Variants in ARHGAP6 observed in about 807,000 individuals in gnomAD.
The protein encoded by ARHGAP6 is rho GTPase-activating protein 6.
ARHGAP6 carries 16 observed loss-of-function variants against 55.7 expected under a neutral mutation model. The ratio of observed to expected loss-of-function variants is 0.29; its 90% CI spans 0.19 to 0.44. The LOEUF (loss-of-function observed/expected upper bound fraction) is 0.44. Ranked by LOEUF, ARHGAP6 falls within the 20% of genes least tolerant of loss-of-function variation. ARHGAP6 has a pLI of 1.00. For synonymous variants in ARHGAP6, 382 were observed against 360.9 expected, an observed-to-expected ratio of 1.06 and a Z score of -0.66; for missense variants, 698 against 808.9, an observed-to-expected ratio of 0.86 and a Z score of 1.66.
At chrX:11,567,566 A>AT (rs1556078451) in intron 1 of ARHGAP6, among the ~76,000 whole-genome samples, 1,386 of 84,404 alleles carry the variant, frequency 0.016, 35 homozygotes, top group East Asian at 0.028. Context: ...AAAAAAAAAA[A>AT]ATATATATAT....
chrX:11,174,515 TTCTTTCCTTCCTTCC>T (rs2046141636), intron 8 of ARHGAP6, among the ~76,000 whole-genome samples: 1 of 90,572 alleles, frequency 1.1e-5, no homozygotes, highest in African/African-American at 4.7e-5. Flanking sequence ...CATTCTTTCT[TTCTTTCCTTCCTTCC>T]TTCCTTCCTT....
chrX:11,522,206 T>C (rs1177336070), intron 1 of ARHGAP6, among the ~76,000 whole-genome samples: 2 of 111,167 alleles, frequency 1.8e-5, no homozygotes, highest in East Asian at 5.6e-4. Context: ...AGACACAACA[T>C]AGCGGAATCT....
At chrX:11,319,929 T>G (rs1333769506) in intron 1 of ARHGAP6, among the ~76,000 whole-genome samples, 1 of 112,413 alleles carries the variant, frequency 8.9e-6, no homozygotes, top group East Asian at 2.8e-4. Context: ...GAGCAATTTC[T>G]AATTCTCTAA....
intron 1 of ARHGAP6, among the ~76,000 whole-genome samples, chrX:11,599,394 A>T (rs1427109056): frequency 8.9e-6 from 1 of 111,854 alleles, no homozygotes. Context: ...TATACATAAT[A>T]TAATGATCGA....
intron 1 of ARHGAP6, among the ~76,000 whole-genome samples, chrX:11,354,032 T>C (rs2048894949): frequency 1.8e-5 from 2 of 110,631 alleles, no homozygotes; most frequent in Admixed American, 1.9e-4. Context: ...TAAATGGTTA[T>C]GTAGAAGAAT....
chrX:11,240,498 T>C lies in ARHGAP6; in HGVS notation c.748+14050A>G, dbSNP rs370150837. On this transcript the variant is annotated intron_variant, in intron 2 of 12. Coordinates refer to ENST00000337414, the MANE Select transcript of ARHGAP6 (RefSeq NM_013427.3). ...TCTCTTCCCTATTCTTAAGCAAGTATTCTCTGCCCAGGGATGTTGTACCAT... is the reference window on the plus strand; with the variant it reads ...TCTCTTCCCTATTCTTAAGCAAGTACTCTCTGCCCAGGGATGTTGTACCAT... Among the ~76,000 whole-genome samples the C allele has an allele frequency of 4.6e-4, 51 of 112,061 alleles. No individual in the cohort carries two copies. In the East Asian group the frequency reaches 0.013, roughly 28 times the overall value.
At chrX:11,477,830 G>C (rs1033235747) in intron 1 of ARHGAP6, among the ~76,000 whole-genome samples, 40 of 111,572 alleles carry the variant, frequency 3.6e-4, no homozygotes, top group African/African-American at 1.3e-3. Flanking sequence ...ATAGATCAGT[G>C]GTTGCCTGCT....
At chrX:11,339,978 T>C (rs1443803245) in intron 1 of ARHGAP6, among the ~76,000 whole-genome samples, 3 of 111,979 alleles carry the variant, frequency 2.7e-5, no homozygotes, top group Non-Finnish European at 5.6e-5. Context: ...CTTAGTCCTG[T>C]TGCTTATACT....
At chrX:11,230,503 G>T (rs988880008) in intron 2 of ARHGAP6, among the ~76,000 whole-genome samples, 2 of 110,986 alleles carry the variant, frequency 1.8e-5, no homozygotes, top group African/African-American at 6.6e-5. Flanking sequence ...GCCAAAAGTT[G>T]ATATTTATGT....
chrX:11,266,579 A>G (rs749092437), intron 1 of ARHGAP6, among the ~76,000 whole-genome samples: 3 of 110,432 alleles, frequency 2.7e-5, no homozygotes, highest in Non-Finnish European at 5.7e-5. Context: ...GGCCATATCT[A>G]AGAGGGTTCA....
At chrX:11,482,244 A>G (rs2050464017) in intron 1 of ARHGAP6, among the ~76,000 whole-genome samples, 1 of 112,027 alleles carries the variant, frequency 8.9e-6, no homozygotes, top group South Asian at 3.7e-4. Flanking sequence ...GTACTTGGGG[A>G]GGAGAAACTC....
At position 11,308,588 on chromosome X, in the gene ARHGAP6, A is replaced by G. The variant is rs145121341; in HGVS notation, c.589-53881T>C. ...AAGGGCAACCTATGCCCTTGTCCCC[A>G]GTCGTCAGTCATTATATAGTACCCA... is the stretch of plus-strand genomic sequence containing the variant. On this transcript the variant is annotated intron_variant, in intron 1 of 12. Coordinates refer to ENST00000337414, the MANE Select transcript of ARHGAP6 (RefSeq NM_013427.3). Among the ~76,000 whole-genome samples the G allele has an allele frequency of 4.4e-3, 492 of 111,461 alleles. 1 individual carries two copies. The highest frequency in any genetic ancestry group is 0.016 in the African/African-American group (477 of 30,653).
intron 10 of ARHGAP6, chrX:11,148,585 C>G (rs890370555): frequency 8.7e-6 from 3 of 346,513 alleles, no homozygotes; most frequent in Admixed American, 8.4e-5. Flanking sequence ...TCTCAGCTAA[C>G]CAGACAAGCA....
intron 1 of ARHGAP6, among the ~76,000 whole-genome samples, chrX:11,326,707 T>TA (rs1250231750): frequency 8.9e-6 from 1 of 111,815 alleles, no homozygotes. Flanking sequence ...GAGGCACTAT[T>TA]AAAAAACAAA....
intron 1 of ARHGAP6, among the ~76,000 whole-genome samples, chrX:11,645,251 G>T (rs1048571866): frequency 4.5e-5 from 5 of 111,113 alleles, no homozygotes; most frequent in South Asian, 7.5e-4. Flanking sequence ...TATTCTGATT[G>T]TGGCAGTGGC....
At chrX:11,335,982 T>C in intron 1 of ARHGAP6, 1 of 119,871 alleles carries the variant, frequency 8.3e-6, no homozygotes. Context: ...CCAGGGGGCA[T>C]GGACTCCTGC....
chrX:11,518,739 T>G (rs1258846794), intron 1 of ARHGAP6, among the ~76,000 whole-genome samples: 1 of 100,982 alleles, frequency 9.9e-6, no homozygotes, highest in Non-Finnish European at 2.0e-5. Flanking sequence ...ACCCACTAAC[T>G]TTTCATCTAG....
intron 2 of ARHGAP6, among the ~76,000 whole-genome samples, chrX:11,238,897 C>G (rs1251522256): frequency 9.0e-6 from 1 of 111,731 alleles, no homozygotes; most frequent in African/African-American, 3.3e-5. Context: ...CTAAGCTATT[C>G]ACAGAAGCTG....
chrX:11,155,457 G>A (rs753129633), intron 10 of ARHGAP6, among the ~76,000 whole-genome samples: 13 of 110,562 alleles, frequency 1.2e-4, no homozygotes, highest in Non-Finnish European at 2.1e-4. Flanking sequence ...CTGTCACTAC[G>A]CCTGGCTAAT....
Sources: gnomAD v4.1 joint callset for allele counts (sites outside exome capture counted in the v4.1 genomes callset) on GRCh38, gnomAD v4.1.1 for gene constraint, MANE v1.5 for transcripts, NCBI Gene and HGNC (gene_info 2026-07-23, HGNC 2026-07-21) for gene names.